Variants in PLCB4 observed in about 807,000 individuals in gnomAD.
PLCB4 encodes the protein 1-phosphatidylinositol 4,5-bisphosphate phosphodiesterase beta-4.
A neutral mutation model predicts 178.8 loss-of-function variants in PLCB4; 77 were observed. The observed-to-expected ratio is 0.43, with a 90% CI of 0.36 to 0.52. The LOEUF is 0.52. Among genes scored for constraint, PLCB4 ranks in the 20% least tolerant of loss-of-function variants. The probability of loss-of-function intolerance (pLI) is 0.00; values close to 1 mark genes in which losing one functional copy is unlikely to be tolerated. For missense variants in PLCB4, 1,024 were observed against 1,453.4 expected (o/e 0.70, Z 4.80); for synonymous variants, 496 against 490.8 (o/e 1.01, Z -0.14).
At chr20:9,379,340 G>A (rs543708692) in intron 12 of PLCB4, among the ~76,000 whole-genome samples, 2 of 152,192 alleles carry the variant, frequency 1.3e-5, no homozygotes, top group East Asian at 1.9e-4. Context: ...GAGCTCCTTA[G>A]GTGTCAATTT....
chr20:9,257,666 A>G (rs573410969), intron 3 of PLCB4, among the ~76,000 whole-genome samples: 2 of 152,336 alleles, frequency 1.3e-5, no homozygotes, highest in East Asian at 3.9e-4. Flanking sequence ...GAAGCCACAT[A>G]GATACATATT....
intron 18 of PLCB4, 118 bp from the exon 19 acceptor site, chr20:9,395,405 T>G (rs1256910365): frequency 1.4e-6 from 1 of 691,584 alleles, no homozygotes; most frequent in Non-Finnish European, 2.6e-6. Flanking sequence ...GGTGCCTTGG[T>G]GCCTGAACAT....
chr20:9,456,314 T>C (rs925732477), intron 33 of PLCB4, among the ~76,000 whole-genome samples: 1 of 152,240 alleles, frequency 6.6e-6, no homozygotes, highest in Admixed American at 6.5e-5. Flanking sequence ...TTTATTCAAG[T>C]GCTTCCAGCT....
chr20:9,301,674 C>G (rs2094705717), intron 3 of PLCB4, among the ~76,000 whole-genome samples: 1 of 152,134 alleles, frequency 6.6e-6, no homozygotes, highest in African/African-American at 2.4e-5. Context: ...CCCTCGACAG[C>G]CCACCTCAGC....
chr20:9,313,233 A>G (rs2094857318), intron 4 of PLCB4, among the ~76,000 whole-genome samples: 1 of 152,242 alleles, frequency 6.6e-6, no homozygotes, highest in Admixed American at 6.5e-5. Flanking sequence ...TAATCAACCT[A>G]TTAGTTTTTC....
At chr20:9,425,201 C>T (rs775803242) in intron 28 of PLCB4, among the ~76,000 whole-genome samples, 13 of 152,146 alleles carry the variant, frequency 8.5e-5, no homozygotes, top group Non-Finnish European at 1.9e-4. Context: ...AGCAGCAGTC[C>T]GTGGCAAACC....
intron 2 of PLCB4, among the ~76,000 whole-genome samples, chr20:9,170,668 T>A: frequency 6.6e-6 from 1 of 152,224 alleles, no homozygotes; most frequent in East Asian, 1.9e-4. Flanking sequence ...CTTGTAATAA[T>A]GATAATTCAT....
intron 3 of PLCB4, among the ~76,000 whole-genome samples, chr20:9,284,444 G>A (rs2094519865): frequency 1.3e-5 from 2 of 151,938 alleles, no homozygotes; most frequent in Non-Finnish European, 2.9e-5. Context: ...ATTATGTAAG[G>A]TCTTACAGCG....
chr20:9,380,262 C>G (rs1254611322), intron 13 of PLCB4, 100 bp downstream of exon 13: 1 of 603,616 alleles, frequency 1.7e-6, no homozygotes, highest in East Asian at 2.9e-5. Context: ...CTTTGCAACT[C>G]CCTGAGCCAT....
intron 3 of PLCB4, among the ~76,000 whole-genome samples, chr20:9,228,658 A>G (rs1315466840): frequency 6.6e-6 from 1 of 152,138 alleles, no homozygotes; most frequent in Non-Finnish European, 1.5e-5. Flanking sequence ...GTAGGTACAT[A>G]TGTGTGTTTA....
At chr20:9,413,167 T>G (rs2039977288) in intron 25 of PLCB4, among the ~76,000 whole-genome samples, 1 of 152,194 alleles carries the variant, frequency 6.6e-6, no homozygotes, top group African/African-American at 2.4e-5. Context: ...ATGGCTGTGC[T>G]CACTTCTGAA....
intron 4 of PLCB4, among the ~76,000 whole-genome samples, chr20:9,330,499 A>C (rs2031479900): frequency 6.6e-6 from 1 of 152,146 alleles, no homozygotes; most frequent in African/African-American, 2.4e-5. Context: ...TGCTTGGTCA[A>C]GTTTGCCCAA....
chr20:9,435,093 G>A (rs1035786892), intron 28 of PLCB4, among the ~76,000 whole-genome samples: 10 of 152,160 alleles, frequency 6.6e-5, no homozygotes, highest in African/African-American at 1.9e-4. Flanking sequence ...CTTCTGTATC[G>A]AAAAATAAGA....
At chr20:9,184,214 C>T (rs77759445) in intron 2 of PLCB4, among the ~76,000 whole-genome samples, 6,609 of 152,200 alleles carry the variant, frequency 0.043, 487 homozygotes, top group African/African-American at 0.15. Flanking sequence ...AAGGTGACCA[C>T]CTCAGTATTG....
intron 4 of PLCB4, among the ~76,000 whole-genome samples, chr20:9,322,532 G>T (rs1380431018): frequency 1.3e-5 from 2 of 152,170 alleles, no homozygotes; most frequent in Non-Finnish European, 2.9e-5. Context: ...TAGCTTCCCA[G>T]GTCCAGCCTG....
intron 2 of PLCB4, among the ~76,000 whole-genome samples, chr20:9,180,183 G>C (rs2093221874): frequency 6.6e-6 from 1 of 152,020 alleles, no homozygotes; most frequent in African/African-American, 2.4e-5. Context: ...ACAATCTTGT[G>C]GCCCCAATAT....
intron 10 of PLCB4, 74 bp from the exon 11 acceptor site, chr20:9,372,229 C>T: frequency 1.2e-6 from 1 of 835,654 alleles, no homozygotes; most frequent in Non-Finnish European, 2.0e-6. Flanking sequence ...CACTGTGCTT[C>T]ATGACCCTGT....
Position 9,188,907 on chromosome 20 carries a change from A to T in PLCB4, c.-78-28483A>T, listed in dbSNP as rs2093365256. Among the ~76,000 whole-genome samples the T allele has an allele frequency of 4.5e-5, 3 of 66,962 alleles. 1 individual carries two copies. Among genetic ancestry groups the T allele is most frequent in the Non-Finnish European group, 7.8e-5 (3 of 38,464 alleles). The allele number at this position is 66,962 out of a possible 152,430, so 43.9% of individuals were successfully genotyped here. ...ATTGTTCATTGTGGAGGGCTGTCAT[A>T]TAGTGACATTCTGGGTTGGTTAACT... On this transcript the variant is annotated intron_variant, in intron 2 of 39. Coordinates refer to ENST00000378473, the MANE Select transcript of PLCB4 (RefSeq NM_001377142.1).
At chr20:9,117,532 A>G (rs906035396) in intron 2 of PLCB4, among the ~76,000 whole-genome samples, 4 of 152,172 alleles carry the variant, frequency 2.6e-5, no homozygotes, top group Admixed American at 2.6e-4. Context: ...AGCCAGAATT[A>G]TCTTCAAAAA....
Sources: gnomAD v4.1 joint callset for allele counts (sites outside exome capture counted in the v4.1 genomes callset) on GRCh38, gnomAD v4.1.1 for gene constraint, MANE v1.5 for transcripts, NCBI Gene and HGNC (gene_info 2026-07-23, HGNC 2026-07-21) for gene names.